Variants in KIF26B observed in about 807,000 individuals in gnomAD.
KIF26B encodes the protein kinesin family member 26B, also known as kinesin-like protein KIF26B.
In KIF26B, 63 loss-of-function variants were observed where a neutral mutation model predicts 151.2. The observed-to-expected ratio is 0.42, with a 90% CI of 0.34 to 0.51. The LOEUF is 0.51. KIF26B is among the 20% of genes least tolerant of loss of function. The probability of loss-of-function intolerance (pLI) is 0.07; values close to 1 mark genes in which losing one functional copy is unlikely to be tolerated. For synonymous variants in KIF26B, 1,357 were observed against 1,262.1 expected (o/e 1.08, Z -1.59); for missense variants, 2,813 against 2,913.6 (o/e 0.97, Z 0.79).
intron 3 of KIF26B, among the ~76,000 whole-genome samples, chr1:245,385,410 T>C (rs1234522018): frequency 6.6e-6 from 1 of 152,254 alleles, no homozygotes; most frequent in Non-Finnish European, 1.5e-5. Context: ...GTATAATCTC[T>C]GTATGGACAT....
At chr1:245,657,063 C>A (rs574367328) in intron 10 of KIF26B, among the ~76,000 whole-genome samples, 1 of 152,272 alleles carries the variant, frequency 6.6e-6, no homozygotes, top group Non-Finnish European at 1.5e-5. Context: ...TTCTTTAGGG[C>A]AATGACCACA....
At chr1:245,662,595 A>G (rs906010681) in intron 10 of KIF26B, among the ~76,000 whole-genome samples, 1 of 87,854 alleles carries the variant, frequency 1.1e-5, no homozygotes. Context: ...ACCCAATGAT[A>G]TATACACAGA....
intron 4 of KIF26B, among the ~76,000 whole-genome samples, chr1:245,510,103 C>T (rs576666780): frequency 6.6e-6 from 1 of 152,244 alleles, no homozygotes; most frequent in South Asian, 2.1e-4. Context: ...ACCTTCTTCT[C>T]TTTTGGGGGT....
intron 9 of KIF26B, chr1:245,615,226 A>C (rs2043575491): frequency 6.6e-6 from 1 of 152,202 alleles, no homozygotes; most frequent in African/African-American, 2.4e-5. Context: ...TTCAGTAAAG[A>C]GTGACTCGCA....
At chr1:245,543,741 G>A (rs57776536) in intron 5 of KIF26B, among the ~76,000 whole-genome samples, 8,153 of 152,066 alleles carry the variant, frequency 0.054, 499 homozygotes, top group African/African-American at 0.14. Flanking sequence ...CGAGGTCAGG[G>A]GTTCGAGACC....
At chr1:245,561,624 T>G (rs913628418) in intron 5 of KIF26B, among the ~76,000 whole-genome samples, 4 of 152,242 alleles carry the variant, frequency 2.6e-5, no homozygotes, top group African/African-American at 9.6e-5. Context: ...AACTCATTTA[T>G]GTACATCAAC....
chr1:245,612,019 G>A (rs2043528525), intron 9 of KIF26B, 43 bp downstream of exon 9: 1 of 1,586,784 alleles, frequency 6.3e-7, no homozygotes, highest in Middle Eastern at 1.7e-4. Context: ...AGCGGCTCTG[G>A]CCCCAGCCAG....
At chr1:245,402,629 G>C (rs1197805299) in intron 3 of KIF26B, among the ~76,000 whole-genome samples, 1 of 152,128 alleles carries the variant, frequency 6.6e-6, no homozygotes, top group Non-Finnish European at 1.5e-5. Flanking sequence ...ATGTACGCAG[G>C]GGACAATAGC....
At position 245,249,458 on chromosome 1, in the gene KIF26B, G is replaced by A. The variant is rs372391698; in HGVS notation, c.465+92775G>A. ...GTTTCACAACAATTGACATTGTGTCGGCTCCCTTGTTTGTGCATATGTGTT... is the reference window on the plus strand; with the variant it reads ...GTTTCACAACAATTGACATTGTGTCAGCTCCCTTGTTTGTGCATATGTGTT... On this transcript the variant is annotated intron_variant, in intron 2 of 14. Coordinates refer to ENST00000407071, the MANE Select transcript of KIF26B (RefSeq NM_018012.4). Among the ~76,000 whole-genome samples the A allele has an allele frequency of 1.5e-4, 22 of 150,506 alleles. No individual in the cohort carries two copies. The East Asian group carries it at 2.5e-3, about 17-fold the overall frequency.
intron 2 of KIF26B, among the ~76,000 whole-genome samples, chr1:245,228,863 C>T (rs1400442783): frequency 2.0e-5 from 3 of 152,176 alleles, no homozygotes; most frequent in Admixed American, 1.3e-4. Context: ...GTTCATTCTC[C>T]AATCACCGCA....
At chr1:245,504,125 G>T (rs1660679163) in intron 4 of KIF26B, among the ~76,000 whole-genome samples, 1 of 152,112 alleles carries the variant, frequency 6.6e-6, no homozygotes, top group South Asian at 2.1e-4. Flanking sequence ...AAGGCCAGGA[G>T]GTCAGTGCCA....
At chr1:245,349,035 G>A (rs963195607) in intron 2 of KIF26B, among the ~76,000 whole-genome samples, 4 of 152,192 alleles carry the variant, frequency 2.6e-5, no homozygotes, top group Non-Finnish European at 4.4e-5. Context: ...GACGTGACCT[G>A]TGTGTGCTTG....
chr1:245,605,776 C>T (rs1055006747), intron 6 of KIF26B, among the ~76,000 whole-genome samples: 10 of 152,134 alleles, frequency 6.6e-5, no homozygotes, highest in Non-Finnish European at 8.8e-5. Context: ...CCGCTGACCA[C>T]GCTCTTCTCA....
rs1405973236 is a variant in KIF26B at position 245,419,669 on chromosome 1, G to A, written c.1090G>A (p.Val364Ile). ...YNADKPSACS[V>I]PASQGSCVAS... ...TGCAGACAAGCCTTCCGCCTGCAGT[G>A]TCCCAGCCTCGCAGGGCTCCTGCGT... Residue 364 changes from valine to isoleucine, a missense_variant, in exon 4 of 15, where the codon GTC becomes ATC. Val to Ile is a conservative substitution (Grantham distance 29, BLOSUM62 3). This residue lies in a region of KIF26B where 676 missense variants were observed against 688.1 expected (regional missense o/e 0.98). Transcript: ENST00000407071. 5 of 1,613,778 alleles carry A rather than the reference G, an allele frequency of 3.1e-6. No homozygotes were observed. In the African/African-American group the frequency reaches 4.0e-5, roughly 13 times the overall value.
intron 4 of KIF26B, among the ~76,000 whole-genome samples, chr1:245,502,522 T>C (rs1660642429): frequency 1.1e-5 from 1 of 94,428 alleles, no homozygotes; most frequent in African/African-American, 4.2e-5. Flanking sequence ...CGAGCAAGAT[T>C]CTGTCTCAAA....
chr1:245,254,341 C>A (rs1670497896), intron 2 of KIF26B, among the ~76,000 whole-genome samples: 1 of 152,138 alleles, frequency 6.6e-6, no homozygotes, highest in Non-Finnish European at 1.5e-5. Context: ...CCCAGAACTA[C>A]TCAGGCGTTG....
intron 2 of KIF26B, among the ~76,000 whole-genome samples, chr1:245,328,360 T>A (rs1327176431): frequency 2.0e-5 from 3 of 152,214 alleles, no homozygotes; most frequent in Admixed American, 6.5e-5. Flanking sequence ...CTCATAAACA[T>A]AGATCTCTAA....
intron 2 of KIF26B, among the ~76,000 whole-genome samples, chr1:245,232,897 T>G (rs1455560110): frequency 2.6e-5 from 4 of 152,224 alleles, no homozygotes; most frequent in African/African-American, 9.6e-5. Flanking sequence ...ATATGTGATT[T>G]GGCAATGGTT....
chr1:245,540,624 G>A lies in KIF26B; in HGVS notation c.1167-143G>A, dbSNP rs758456451. ...CTTCACTCTGTTATAGTAAGGGACT[G>A]CTACAGAGGACACTGAGCAGGAGGA... is the stretch of plus-strand genomic sequence containing the variant. On this transcript the variant is annotated intron_variant, in intron 4 of 14. Transcript: ENST00000407071. This position sits in a 1 kb window ranked among gnomAD's most constrained non-coding sequence, Gnocchi z 4.6. 3.8e-6 allele frequency: 3 copies of A among 796,798 alleles called. No individual in the cohort carries two copies. Among genetic ancestry groups the A allele is most frequent in the Non-Finnish European group, 6.8e-6 (3 of 439,288 alleles). The allele number at this position is 796,798 out of a possible 1,614,324, so 49.4% of individuals were successfully genotyped here.
Sources: allele counts gnomAD v4.1 joint callset (sites outside exome capture counted in the v4.1 genomes callset), GRCh38; gene constraint gnomAD v4.1.1; regional missense constraint gnomAD v4.1.1; non-coding constraint Gnocchi (gnomAD v3.1); transcripts MANE v1.5; gene names NCBI Gene and HGNC (gene_info 2026-07-23, HGNC 2026-07-21).